The following SH3PXD2B variants were observed in gnomAD, a reference collection of about 807,000 sequenced individuals.
The protein encoded by SH3PXD2B is SH3 and PX domain-containing protein 2B.
SH3PXD2B carries 37 observed loss-of-function variants against 73.1 expected under a neutral mutation model. That is an observed-to-expected ratio of 0.51 (90% CI 0.39 to 0.67). The LOEUF is 0.67. Ranked by LOEUF, SH3PXD2B falls within the 30% of genes least tolerant of loss-of-function variation. The pLI is 0.00. For missense variants in SH3PXD2B, 1,053 were observed against 1,197.8 expected, an observed-to-expected ratio of 0.88 and a Z score of 1.78; for synonymous variants, 457 against 480.5, an observed-to-expected ratio of 0.95 and a Z score of 0.64.
chr5:172,347,407 T>C lies in SH3PXD2B; in HGVS notation c.1013-75A>G, dbSNP rs374107661. On this transcript the variant is annotated intron_variant, in intron 10 of 12. Transcript: ENST00000311601. ...TGAGCTGGGTGCCAGGTCGGGTCTATTTTCTCCTGCAGAAGATTGAACACA... is the reference window on the plus strand; with the variant it reads ...TGAGCTGGGTGCCAGGTCGGGTCTACTTTCTCCTGCAGAAGATTGAACACA... The C allele has an allele frequency of 6.1e-6, 9 of 1,484,998 alleles. No homozygotes were observed. The African/African-American group carries it at 1.1e-4, about 18-fold the overall frequency. 92.0% of individuals were successfully genotyped at this position (1,484,998 alleles called of 1,614,324 possible).
chr5:172,334,688 T>C lies in SH3PXD2B; in HGVS notation c.*3681A>G, dbSNP rs1485921771. ...TTGTTCTTGATGTCAAGTTGCCAGC[T>C]ACTGGAAGGCAGGAGCAGTTTCTTC... On this transcript the variant is annotated 3_prime_UTR_variant, in exon 13 of 13. Transcript: ENST00000311601. 6.1e-6 allele frequency: 6 copies of C among 985,444 alleles called. No homozygotes were observed. Among genetic ancestry groups the C allele is most frequent in the Admixed American group, 6.1e-5 (1 of 16,266 alleles). 61.0% of individuals were successfully genotyped at this position (985,444 alleles called of 1,614,324 possible). A position where few individuals can be genotyped will look rare whatever the true frequency, so the allele number is the denominator to read the frequency against.
At chr5:172,385,250 G>C (rs1003137377) in intron 4 of SH3PXD2B, among the ~76,000 whole-genome samples, 8 of 152,160 alleles carry the variant, frequency 5.3e-5, no homozygotes, top group African/African-American at 1.9e-4. Context: ...TGTCCTGGCT[G>C]CTTTGTGTGC....
rs1756776048 is a variant in SH3PXD2B at position 172,339,019 on chromosome 5, A to T, written c.2086T>A (p.Phe696Ile). 1 of 1,614,096 alleles carries T rather than the reference A, an allele frequency of 6.2e-7. No individual in the cohort carries two copies. Among genetic ancestry groups the T allele is most frequent in the South Asian group, 1.1e-5 (1 of 91,088 alleles). The change falls in exon 13 of 13, where the codon TTC (phenylalanine) becomes ATC (isoleucine). Residue 696 changes from phenylalanine to isoleucine, a missense_variant. Phe to Ile is a conservative substitution (Grantham distance 21). This residue lies in a region of SH3PXD2B where 587 missense variants were observed against 590.7 expected (regional missense o/e 0.99). Coordinates refer to ENST00000311601, the MANE Select transcript of SH3PXD2B (RefSeq NM_001017995.3). This position sits in a 1 kb window ranked among gnomAD's most constrained non-coding sequence, Gnocchi z 6.1. ...TCTCCTGGGAGGAAGCTTCGGCTGA[A>T]GGCCACGTCTTGGCCCCCTACTGCC... The part of the protein sequence containing the change: ...PQAVGGQDVA[F>I]SRSFLPGEGP...
intron 8 of SH3PXD2B, among the ~76,000 whole-genome samples, chr5:172,356,939 G>C (rs1757291062): frequency 6.6e-6 from 1 of 152,112 alleles, no homozygotes; most frequent in South Asian, 2.1e-4. Flanking sequence ...AAGTTCCTGA[G>C]TATTAACCGT....
In SH3PXD2B at chr5:172,350,399, C is replaced by G. The variant is rs771397027; in HGVS notation, c.976G>C (p.Glu326Gln). 1.9e-6 allele frequency: 3 copies of G among 1,613,944 alleles called. No homozygotes were observed. The South Asian group carries it at 3.3e-5, about 18-fold the overall frequency. ...LLSSQRDGRF[E>Q]GRPVPDGDAK... Reference sequence around the variant, plus strand: ...TCACCGTCGGGCACCGGGCGGCCTTCAAACCGCCCGTCCCTCTGGCTGCTG... The same window carrying G: ...TCACCGTCGGGCACCGGGCGGCCTTGAAACCGCCCGTCCCTCTGGCTGCTG... The change falls in exon 10 of 13, where the codon GAA (glutamate) becomes CAA (glutamine). Residue 326 changes from glutamate (E) to glutamine (Q), a missense_variant. Physicochemically the swap from Glu to Gln is conservative, Grantham distance 29 (BLOSUM62 2). Transcript: ENST00000311601.
intron 8 of SH3PXD2B, among the ~76,000 whole-genome samples, chr5:172,355,864 C>T (rs1405803349): frequency 1.3e-5 from 2 of 152,072 alleles, no homozygotes; most frequent in Non-Finnish European, 2.9e-5. Context: ...TTTCTATCAC[C>T]CGAGTCCCTC....
In SH3PXD2B at chr5:172,421,999, A is replaced by AT. The variant is rs113159124; in HGVS notation, c.156+416dup. ...TTGTGTCTCAAAAGTAATGGATGTC[A>AT]TTTTTTTTTTTTGAGATGGAGTTTT... On this transcript the variant is annotated intron_variant, in intron 2 of 12. Coordinates refer to ENST00000311601, the MANE Select transcript of SH3PXD2B (RefSeq NM_001017995.3). The surrounding 1 kb of genome is among the most constrained non-coding windows in gnomAD (Gnocchi z 4.0). Among the ~76,000 whole-genome samples the AT allele has an allele frequency of 0.012, 1,777 of 148,080 alleles. 12 individuals carry two copies. The highest frequency in any genetic ancestry group is 0.017 in the Non-Finnish European group (1,139 of 66,972).
At chr5:172,434,586 G>A (rs1050959578) in intron 1 of SH3PXD2B, among the ~76,000 whole-genome samples, 1 of 152,170 alleles carries the variant, frequency 6.6e-6, no homozygotes. Context: ...TTTTTGCCCT[G>A]CTAGTAAAAT....
chr5:172,347,144 T>A, intron 11 of SH3PXD2B, 139 bp downstream of exon 11: 1 of 865,042 alleles, frequency 1.2e-6, no homozygotes, highest in Non-Finnish European at 1.8e-6. Context: ...CTAGCATTTC[T>A]ACAGCCTGCT....
At chr5:172,356,791 T>G (rs1390199288) in intron 8 of SH3PXD2B, 1 of 152,286 alleles carries the variant, frequency 6.6e-6, no homozygotes, top group African/African-American at 2.4e-5. Flanking sequence ...AGGCAGCATG[T>G]GGGAGGAAGG....
intron 4 of SH3PXD2B, among the ~76,000 whole-genome samples, chr5:172,390,530 C>G (rs1055410567): frequency 6.6e-6 from 1 of 152,122 alleles, no homozygotes; most frequent in East Asian, 1.9e-4. Context: ...AGTGCAGGCT[C>G]AAGCCACTGT....
intron 2 of SH3PXD2B, 149 bp downstream of exon 2, chr5:172,422,267 T>C: frequency 1.4e-6 from 1 of 740,176 alleles, no homozygotes; most frequent in Non-Finnish European, 2.3e-6. Flanking sequence ...AGTGCTGGGA[T>C]TACAGGTGTG....
Position 172,389,214 on chromosome 5 carries a change from C to T in SH3PXD2B, c.309+5349G>A, listed in dbSNP as rs149171802. Among the ~76,000 whole-genome samples, 1,295 of 152,000 alleles carry T rather than the reference C, an allele frequency of 8.5e-3. 18 individuals are homozygous for T. The highest frequency in any genetic ancestry group is 0.03 in the African/African-American group (1,238 of 41,438). On this transcript the variant is annotated intron_variant, in intron 4 of 12. Coordinates refer to ENST00000311601, the MANE Select transcript of SH3PXD2B (RefSeq NM_001017995.3). ...GGGATTACAGGTGCCGACCACCACA[C>T]CTGGATAATTTTTATATTTTTAGTA... is the stretch of plus-strand genomic sequence containing the variant.
intron 12 of SH3PXD2B, among the ~76,000 whole-genome samples, chr5:172,343,131 G>C (rs1279115906): frequency 6.6e-6 from 1 of 152,208 alleles, no homozygotes; most frequent in Non-Finnish European, 1.5e-5. Context: ...TGAGCCAGCG[G>C]GATGCACTTG....
At chr5:172,383,852 C>CT (rs113181175) in intron 4 of SH3PXD2B, among the ~76,000 whole-genome samples, 3,476 of 135,248 alleles carry the variant, frequency 0.026, 124 homozygotes, top group African/African-American at 0.081. Flanking sequence ...TTCTTTCTTT[C>CT]TTTTTTTTTT....
chr5:172,405,487 A>G (rs1287352872), intron 3 of SH3PXD2B, among the ~76,000 whole-genome samples: 1 of 152,190 alleles, frequency 6.6e-6, no homozygotes, highest in Non-Finnish European at 1.5e-5. Flanking sequence ...TGGGAGATGG[A>G]GAGGGCTCCT....
intron 4 of SH3PXD2B, among the ~76,000 whole-genome samples, chr5:172,389,083 T>C (rs1758118502): frequency 6.7e-6 from 1 of 149,556 alleles, no homozygotes; most frequent in African/African-American, 2.5e-5. Context: ...TGAGACTGAG[T>C]CTCACTGTGT....
rs901080675 is a variant in SH3PXD2B, at chr5:172,337,238, C to T, written c.*1131G>A. The T allele has an allele frequency of 1.0e-6, 1 of 985,388 alleles. No individual in the cohort carries two copies. The highest frequency in any genetic ancestry group is 1.7e-5 in the African/African-American group (1 of 57,228). 61.0% of individuals were successfully genotyped at this position (985,388 alleles called of 1,614,324 possible). ...GGGTGTGGGAGCAGCCACGAATGCCCCCTCACCCCCCTCACAATGAAGCCA... is the reference window on the plus strand; with the variant it reads ...GGGTGTGGGAGCAGCCACGAATGCCTCCTCACCCCCCTCACAATGAAGCCA... On this transcript the variant is annotated 3_prime_UTR_variant, in exon 13 of 13. Transcript: ENST00000311601.
At chr5:172,350,666 A>C in intron 9 of SH3PXD2B, 77 bp from the exon 10 acceptor site, 1 of 1,427,060 alleles carries the variant, frequency 7.0e-7, no homozygotes, top group East Asian at 2.5e-5. Context: ...ACTGGGAATC[A>C]CATGACAGGT....
Sources: gnomAD v4.1 joint callset for allele counts (sites outside exome capture counted in the v4.1 genomes callset) on GRCh38, gnomAD v4.1.1 for gene constraint, gnomAD v4.1.1 regional missense constraint, Gnocchi (gnomAD v3.1) non-coding constraint, MANE v1.5 for transcripts, NCBI Gene and HGNC (gene_info 2026-07-23, HGNC 2026-07-21) for gene names.